Variants in THEMIS observed in about 807,000 individuals in gnomAD.
THEMIS encodes thymocyte selection associated.
THEMIS carries 37 observed loss-of-function variants against 52.6 expected under a neutral mutation model. The ratio of observed to expected loss-of-function variants is 0.70; its 90% CI spans 0.54 to 0.93. The LOEUF is 0.93. Among genes scored for constraint, THEMIS ranks in the 40% least tolerant of loss-of-function variants. The pLI is 0.00. For synonymous variants in THEMIS, 292 were observed against 272.7 expected (o/e 1.07, Z -0.70); for missense variants, 808 against 763.1 (o/e 1.06, Z -0.69).
At chr6:127,780,515 T>A (rs569997624) in intron 4 of THEMIS, among the ~76,000 whole-genome samples, 1 of 152,322 alleles carries the variant, frequency 6.6e-6, no homozygotes, top group East Asian at 1.9e-4. Context: ...ATTTGGTATG[T>A]TTTTGCAGTG....
At chr6:127,755,493 G>A (rs564759265) in intron 4 of THEMIS, among the ~76,000 whole-genome samples, 1 of 151,932 alleles carries the variant, frequency 6.6e-6, no homozygotes, top group Non-Finnish European at 1.5e-5. Flanking sequence ...GCATATCAAG[G>A]CATCATTTTT....
At chr6:127,912,186 G>T (rs768876615) in intron 1 of THEMIS, among the ~76,000 whole-genome samples, 35 of 152,070 alleles carry the variant, frequency 2.3e-4, no homozygotes, top group Non-Finnish European at 1.3e-4. Context: ...CTGCCCTATT[G>T]GATTTTAGAC....
intron 4 of THEMIS, among the ~76,000 whole-genome samples, chr6:127,732,686 T>C (rs1429927169): frequency 2.0e-5 from 3 of 152,352 alleles, no homozygotes; most frequent in African/African-American, 7.2e-5. Context: ...TCCTTCTTTA[T>C]ATCCATAGCA....
At chr6:127,869,033 G>C (rs946338655) in intron 1 of THEMIS, among the ~76,000 whole-genome samples, 8 of 152,130 alleles carry the variant, frequency 5.3e-5, no homozygotes, top group Non-Finnish European at 1.2e-4. Context: ...CGATTGCAAA[G>C]TGATAATAAC....
At chr6:127,822,376 T>C (rs368686178) in intron 3 of THEMIS, among the ~76,000 whole-genome samples, 5 of 152,230 alleles carry the variant, frequency 3.3e-5, no homozygotes, top group Admixed American at 2.0e-4. Flanking sequence ...TTCTATTTTC[T>C]TACCTGGTTC....
chr6:127,905,457 T>A (rs1781244048), upstream of THEMIS, among the ~76,000 whole-genome samples: 1 of 151,832 alleles, frequency 6.6e-6, no homozygotes, highest in African/African-American at 2.4e-5. Flanking sequence ...ACTAAGAAAA[T>A]TCATCACCAG....
At chr6:127,888,911 G>C (rs1780723583) in intron 1 of THEMIS, among the ~76,000 whole-genome samples, 2 of 151,968 alleles carry the variant, frequency 1.3e-5, no homozygotes, top group African/African-American at 4.8e-5. Flanking sequence ...AATATGCCTG[G>C]TTTTGAATTT....
chr6:127,708,214 T>C lies in THEMIS; in HGVS notation c.*1771A>G, dbSNP rs1372997709. 1 of 152,090 alleles carries C rather than the reference T, an allele frequency of 6.6e-6. No homozygotes were observed. Among genetic ancestry groups the C allele is most frequent in the African/African-American group, 2.4e-5 (1 of 41,422 alleles). 9.4% of individuals were successfully genotyped at this position (152,090 alleles called of 1,614,324 possible). On this transcript the variant is annotated 3_prime_UTR_variant, in exon 6 of 6. Coordinates refer to ENST00000368248, the MANE Select transcript of THEMIS (RefSeq NM_001010923.3). ...ACACATACAAATAAAAATTAGGAAG[T>C]TTATTTTCAACCTTCCCAAATCTCC...
Position 127,829,763 on chromosome 6 carries a change from A to G in THEMIS, c.422T>C (p.Val141Ala), listed in dbSNP as rs761195269. ...KQGEQIMLNSVEEIDGEIMVS... is the reference protein window; with the variant it reads ...KQGEQIMLNSAEEIDGEIMVS... ...CATTATTTCTCCATCAATCTCTTCA[A>G]CTGAGTTGAGCATGATTTGCTCACC... Residue 141 changes from valine (V) to alanine (A), a missense_variant, in exon 3 of 6, where the codon GTT (valine) becomes GCT (alanine). Physicochemically the swap from Val to Ala is moderately conservative, Grantham distance 64 (BLOSUM62 0). Coordinates refer to ENST00000368248, the MANE Select transcript of THEMIS (RefSeq NM_001010923.3). 4 of 1,613,934 alleles carry G rather than the reference A, an allele frequency of 2.5e-6. No homozygotes were observed. The highest frequency in any genetic ancestry group is 4.5e-5 in the East Asian group (2 of 44,864).
chr6:127,900,651 TG>T (rs1249520953), intron 1 of THEMIS, among the ~76,000 whole-genome samples, 190 bp downstream of exon 1: 1 of 152,084 alleles, frequency 6.6e-6, no homozygotes, highest in Non-Finnish European at 1.5e-5. Context: ...CCCAGAGTCC[TG>T]TCTAGTTTCT....
Position 127,813,737 on chromosome 6 carries a change from G to A in THEMIS, c.904C>T (p.Gln302Ter), listed in dbSNP as rs756380182. 2 of 1,613,922 alleles carry A rather than the reference G, an allele frequency of 1.2e-6. No individual in the cohort carries two copies. Among genetic ancestry groups the A allele is most frequent in the South Asian group, 1.1e-5 (1 of 91,060 alleles). The change falls in exon 4 of 6, where the codon CAG becomes TAG. Residue 302 changes from glutamine (Q) to a stop codon, truncating the protein, a stop_gained. Coordinates refer to ENST00000368248, the MANE Select transcript of THEMIS (RefSeq NM_001010923.3). LOFTEE classifies it high-confidence loss of function. ...EGNHLPQSILQPGKTIVIHKK... is the reference protein window; with the variant it reads ...EGNHLPQSIL ...TGGATCACAATGGTTTTCCCAGGCTGTAAAATGCTTTGGGGCAGGTGGTTT... is the reference window on the plus strand; with the variant it reads ...TGGATCACAATGGTTTTCCCAGGCTATAAAATGCTTTGGGGCAGGTGGTTT...
At chr6:127,798,656 C>G (rs1270511935) in intron 4 of THEMIS, among the ~76,000 whole-genome samples, 1 of 152,048 alleles carries the variant, frequency 6.6e-6, no homozygotes, top group African/African-American at 2.4e-5. Context: ...AGTGAGCCCC[C>G]AATAAATGGT....
At chr6:127,724,211 C>T (rs770018939) in intron 4 of THEMIS, among the ~76,000 whole-genome samples, 31 of 152,070 alleles carry the variant, frequency 2.0e-4, no homozygotes, top group Non-Finnish European at 4.1e-4. Context: ...AAATCCTGTG[C>T]TTTTAAATAA....
chr6:127,895,719 C>T (rs570763461), intron 1 of THEMIS, among the ~76,000 whole-genome samples: 1 of 151,438 alleles, frequency 6.6e-6, no homozygotes, highest in East Asian at 1.9e-4. Context: ...AAATTGAAGT[C>T]ATAATTTAAA....
Position 127,814,752 on chromosome 6 carries a change from C to T in THEMIS, c.710-821G>A, listed in dbSNP as rs1342020249. ...TTTTTTCCAATCATCCACTGTCTCA[C>T]GAGTCTTCCTTTGAGACTACAGAGA... On this transcript the variant is annotated intron_variant, in intron 3 of 5. Transcript: ENST00000368248. 2.6e-5 allele frequency among the ~76,000 whole-genome samples: 4 copies of T among 152,270 alleles called. No homozygotes were observed. In the East Asian group the frequency reaches 5.8e-4, roughly 22 times the overall value.
intron 4 of THEMIS, among the ~76,000 whole-genome samples, chr6:127,806,974 A>AT (rs1369972388): frequency 6.6e-6 from 1 of 152,112 alleles, no homozygotes; most frequent in African/African-American, 2.4e-5. Flanking sequence ...AGCCCATGCC[A>AT]TTTACTAGAC....
intron 5 of THEMIS, among the ~76,000 whole-genome samples, chr6:127,710,661 C>T (rs1185669182): frequency 6.6e-6 from 1 of 151,970 alleles, no homozygotes; most frequent in Non-Finnish European, 1.5e-5. Context: ...ATAAAGCAAG[C>T]TACGCTACGA....
At chr6:127,849,049 A>G (rs949017663) in intron 2 of THEMIS, among the ~76,000 whole-genome samples, 9 of 152,042 alleles carry the variant, frequency 5.9e-5, no homozygotes, top group African/African-American at 1.7e-4. Flanking sequence ...TAGGGTTTTT[A>G]TGGTTTTAGG....
chr6:127,773,516 C>T (rs1026607995), intron 4 of THEMIS, among the ~76,000 whole-genome samples: 3 of 152,134 alleles, frequency 2.0e-5, no homozygotes, highest in Non-Finnish European at 4.4e-5. Flanking sequence ...TACTACATAT[C>T]TAAATTTCTG....
Sources: gnomAD v4.1 joint callset for allele counts (sites outside exome capture counted in the v4.1 genomes callset) on GRCh38, gnomAD v4.1.1 for gene constraint, MANE v1.5 for transcripts, NCBI Gene and HGNC (gene_info 2026-07-23, HGNC 2026-07-21) for gene names.